The following DAB2IP variants were observed in gnomAD, a reference collection of about 807,000 sequenced individuals.
The protein encoded by DAB2IP is disabled homolog 2-interacting protein.
A neutral mutation model predicts 107.2 loss-of-function variants in DAB2IP; 28 were observed. The observed-to-expected ratio is 0.26, with a 90% confidence interval of 0.19 to 0.36. DAB2IP has a LOEUF of 0.36. DAB2IP is among the 10% of genes least tolerant of loss of function. DAB2IP has a pLI of 1.00. For missense variants in DAB2IP, 1,400 were observed against 1,644.7 expected (o/e 0.85, Z 2.57); for synonymous variants, 755 against 706.4 (o/e 1.07, Z -1.09).
Position 121,782,628 on chromosome 9 carries a change from C to T in DAB2IP, c.*130C>T. The T allele has an allele frequency of 6.7e-7, 1 of 1,502,496 alleles. No homozygotes were observed. Among genetic ancestry groups the T allele is most frequent in the Non-Finnish European group, 8.9e-7 (1 of 1,128,944 alleles). 93.1% of individuals were successfully genotyped at this position (1,502,496 alleles called of 1,614,324 possible). ...TGTCAGGAGGCCGAGCCTCCCCTCC[C>T]TGCCGCTGTCCAGGAGGCGGCCGCA... is the stretch of plus-strand genomic sequence containing the variant. On this transcript the variant is annotated 3_prime_UTR_variant, in exon 16 of 16. Transcript: ENST00000408936. This position sits in a 1 kb window ranked among gnomAD's most constrained non-coding sequence, Gnocchi z 6.1.
In DAB2IP at chr9:121,612,644, C is replaced by T. The variant is rs137979432; in HGVS notation, c.40+45416C>T. On this transcript the variant is annotated intron_variant, in intron 1 of 16. Transcript: ENST00000259371. ...CTGCTGCTCCTCCCTCTCTCCCTTC[C>T]GAGAACCGCCAGGGTCCTCCTTAGA... is the stretch of plus-strand genomic sequence containing the variant. Among the ~76,000 whole-genome samples, 666 of 152,246 alleles carry T rather than the reference C, an allele frequency of 4.4e-3. 1 individual carries two copies. Among genetic ancestry groups the T allele is most frequent in the Non-Finnish European group, 7.7e-3 (523 of 68,014 alleles).
At chr9:121,655,276 A>G (rs952058461) in intron 1 of DAB2IP, among the ~76,000 whole-genome samples, 1 of 152,184 alleles carries the variant, frequency 6.6e-6, no homozygotes, top group African/African-American at 2.4e-5. Flanking sequence ...GAAGGGTATC[A>G]TCAGCAAGGT....
At chr9:121,763,816 A>G (rs1834068577) in exon 8 of DAB2IP, 2 of 1,614,022 alleles carry the variant, frequency 1.2e-6, no homozygotes, top group Non-Finnish European at 1.7e-6. Context: ...GACCTCCCAG[A>G]GCACCAGGGC....
chr9:121,722,015 C>T (rs1332424400), intron 3 of DAB2IP, among the ~76,000 whole-genome samples: 2 of 152,214 alleles, frequency 1.3e-5, no homozygotes, highest in African/African-American at 4.8e-5. Context: ...TGTGTCCATC[C>T]CTCCAGTCAG....
Position 121,760,551 on chromosome 9 carries a change from C to T in DAB2IP, c.1170+112C>T. On this transcript the variant is annotated intron_variant, in intron 6 of 15. Transcript: ENST00000408936. The surrounding 1 kb of genome is among the most constrained non-coding windows in gnomAD (Gnocchi z 5.9). ...TAACAGAGGCCTTGGAGGCACCGGT[C>T]ACTACCAGAAGGGCTCCCTAAACCC... 2 of 1,333,218 alleles carry T rather than the reference C, an allele frequency of 1.5e-6. 1 individual carries two copies. The highest frequency in any genetic ancestry group is 2.0e-6 in the Non-Finnish European group (2 of 1,005,234). 82.6% of individuals were successfully genotyped at this position (1,333,218 alleles called of 1,614,324 possible).
At chr9:121,783,779 G>T (rs1835823218) in exon 16 of DAB2IP, 1 of 607,868 alleles carries the variant, frequency 1.6e-6, no homozygotes, top group African/African-American at 1.9e-5. Context: ...GCTGGGGCCG[G>T]TTTTCCTCAG....
intron 3 of DAB2IP, among the ~76,000 whole-genome samples, chr9:121,750,502 T>A (rs1446443804): frequency 6.6e-6 from 1 of 152,192 alleles, no homozygotes; most frequent in Non-Finnish European, 1.5e-5. Context: ...CAGACGAGCC[T>A]GGCCCATTCA....
chr9:121,706,004 C>T (rs1408305213), intron 3 of DAB2IP, among the ~76,000 whole-genome samples: 1 of 152,220 alleles, frequency 6.6e-6, no homozygotes, highest in Non-Finnish European at 1.5e-5. Flanking sequence ...TCCAGCTCCC[C>T]CAGTCGGCTT....
At chr9:121,582,239 C>A (rs1468292403) in intron 1 of DAB2IP, among the ~76,000 whole-genome samples, 1 of 152,154 alleles carries the variant, frequency 6.6e-6, no homozygotes, top group Non-Finnish European at 1.5e-5. Context: ...GGAGAGCAAG[C>A]TTTGAACTTT....
At chr9:121,627,392 T>A (rs180810878) in intron 1 of DAB2IP, among the ~76,000 whole-genome samples, 1 of 151,396 alleles carries the variant, frequency 6.6e-6, no homozygotes, top group Admixed American at 6.5e-5. Flanking sequence ...TTTTTTTTTT[T>A]GTATGCTGCT....
exon 8 of DAB2IP, chr9:121,763,839 T>C: frequency 6.2e-7 from 1 of 1,614,132 alleles, no homozygotes; most frequent in Non-Finnish European, 8.5e-7. Context: ...CCTCAAGATG[T>C]GCTGCGAGCT....
rs536196893 is a variant in DAB2IP, at chr9:121,691,537, C to A, written c.229-7788C>A. Among the ~76,000 whole-genome samples the A allele has an allele frequency of 3.6e-3, 545 of 149,768 alleles. 5 individuals carry two copies. Among genetic ancestry groups the A allele is most frequent in the South Asian group, 0.013 (60 of 4,718 alleles). On this transcript the variant is annotated intron_variant, in intron 2 of 15. Transcript: ENST00000408936. ...TCCATGTCAAAAAAAAAAAAAAAAA[C>A]TATGACCATGAAAGTGATCATGACC...
Position 121,598,808 on chromosome 9 carries a change from C to A in DAB2IP, c.40+31580C>A, listed in dbSNP as rs112856054. Among the ~76,000 whole-genome samples, 485 of 152,382 alleles carry A rather than the reference C, an allele frequency of 3.2e-3. 3 individuals are homozygous for A. Among genetic ancestry groups the A allele is most frequent in the African/African-American group, 0.011 (463 of 41,598 alleles). On this transcript the variant is annotated intron_variant, in intron 1 of 16. Transcript: ENST00000259371. Reference sequence around the variant, plus strand: ...AAACCCACCTTTAGCTGGAAAACGTCGCTGTCCCGCCACCACGGTCCGAAA... The same window carrying A: ...AAACCCACCTTTAGCTGGAAAACGTAGCTGTCCCGCCACCACGGTCCGAAA...
At chr9:121,638,873 C>T (rs752197344) in intron 1 of DAB2IP, among the ~76,000 whole-genome samples, 3 of 152,150 alleles carry the variant, frequency 2.0e-5, no homozygotes, top group Non-Finnish European at 4.4e-5. Flanking sequence ...GAGCAGGCTC[C>T]AAGTCTACAA....
chr9:121,676,664 C>G (rs965832868), intron 1 of DAB2IP, among the ~76,000 whole-genome samples: 1 of 148,482 alleles, frequency 6.7e-6, no homozygotes, highest in African/African-American at 2.6e-5. Flanking sequence ...CACACACACA[C>G]GCACACACAC....
Position 121,681,862 on chromosome 9 carries a change from G to A in DAB2IP, c.228+3081G>A, listed in dbSNP as rs570993723. 2.0e-5 allele frequency among the ~76,000 whole-genome samples: 3 copies of A among 152,304 alleles called. No homozygotes were observed. The South Asian group carries it at 6.2e-4, about 32-fold the overall frequency. On this transcript the variant is annotated intron_variant, in intron 2 of 15. Transcript: ENST00000408936. ...GCCACTGAGCCTCTCCGAGCCTTGT[G>A]TTCTTGACAGTAAAATCTGGAATGA...
chr9:121,759,064 G>GA, intron 5 of DAB2IP, 68 bp downstream of exon 5: 1 of 1,486,996 alleles, frequency 6.7e-7, no homozygotes, highest in Non-Finnish European at 9.2e-7. Context: ...GGAAACAAGA[G>GA]AGACTATCTC....
rs577386179 is a variant in DAB2IP at position 121,729,197 on chromosome 9, TC to T, written c.363-27813del. On this transcript the variant is annotated intron_variant, in intron 3 of 15. Coordinates refer to ENST00000408936, the Ensembl canonical transcript of DAB2IP. ...TGAAGTGCAGAGAGGTTAGGTAACC[TC>T]CCTGGGCTCACACAGCCAAGAGCCA... 2.6e-4 allele frequency among the ~76,000 whole-genome samples: 39 copies of T among 152,232 alleles called. No homozygotes were observed. The South Asian group carries it at 7.9e-3, about 31-fold the overall frequency.
At chr9:121,666,288 GACATCCTTAAATTAATC>G (rs1428085300) in intron 1 of DAB2IP, among the ~76,000 whole-genome samples, 1 of 152,074 alleles carries the variant, frequency 6.6e-6, no homozygotes, top group Non-Finnish European at 1.5e-5. Context: ...TCCTCATCTC[GACATCCTTAAATTAATC>G]ACATCTGCAA....
Sources: allele counts gnomAD v4.1 joint callset (sites outside exome capture counted in the v4.1 genomes callset), GRCh38; gene constraint gnomAD v4.1.1; non-coding constraint Gnocchi (gnomAD v3.1); transcripts MANE v1.5; gene names NCBI Gene and HGNC (gene_info 2026-07-23, HGNC 2026-07-21).